The following PPP1R8 variants were observed in gnomAD, a reference collection of about 807,000 sequenced individuals.
The protein encoded by PPP1R8 is protein phosphatase 1 regulatory subunit 8.
PPP1R8 carries 4 observed loss-of-function variants against 31.3 expected under a neutral mutation model. The ratio of observed to expected loss-of-function variants is 0.13; its 90% CI spans 0.06 to 0.29. The LOEUF (loss-of-function observed/expected upper bound fraction) is 0.29, where lower values mean the gene tolerates loss of function less well. PPP1R8 is among the 10% of genes least tolerant of loss of function. PPP1R8 has a pLI of 1.00. For missense variants in PPP1R8, 254 were observed against 440.1 expected, an observed-to-expected ratio of 0.58 and a Z score of 3.78; for synonymous variants, 170 against 169.7, an observed-to-expected ratio of 1.00 and a Z score of -0.01.
At chr1:27,846,041 C>T (rs1336895388) in intron 5 of PPP1R8, among the ~76,000 whole-genome samples, 11 of 152,058 alleles carry the variant, frequency 7.2e-5, no homozygotes, top group Non-Finnish European at 1.6e-4. Flanking sequence ...CTGCCCACCT[C>T]GGCCTCCCAA....
rs150866530 is a variant in PPP1R8, at chr1:27,844,494, A to AT, written c.637+1171dup. 9.8e-3 allele frequency among the ~76,000 whole-genome samples: 1,467 copies of AT among 150,142 alleles called. 21 individuals carry two copies. The highest frequency in any genetic ancestry group is 0.027 in the African/African-American group (1,110 of 40,860). On this transcript the variant is annotated intron_variant, in intron 5 of 6. Coordinates refer to ENST00000311772, the MANE Select transcript of PPP1R8 (RefSeq NM_014110.5). ...AGGCTTCTGCCACCACACCTGGCTAATTTTTTTGTATTTTTAGTAGAGACG... is the reference window on the plus strand; with the variant it reads ...AGGCTTCTGCCACCACACCTGGCTAATTTTTTTTGTATTTTTAGTAGAGACG...
chr1:27,851,439 T>C lies in PPP1R8; in HGVS notation c.*993T>C, dbSNP rs779462139. ...GATACAAGCTTTGTACAGAGATTTG[T>C]ACATTTGTGTAATAGGCCTTTTCAT... On this transcript the variant is annotated 3_prime_UTR_variant, in exon 7 of 7. Coordinates refer to ENST00000311772, the MANE Select transcript of PPP1R8 (RefSeq NM_014110.5). 17 of 423,140 alleles carry C rather than the reference T, an allele frequency of 4.0e-5. No homozygotes were observed. The highest frequency in any genetic ancestry group is 6.7e-5 in the Non-Finnish European group (14 of 208,070). The allele number at this position is 423,140 out of a possible 1,614,324, so 26.2% of individuals were successfully genotyped here.
chr1:27,844,328 TTTTA>T (rs2089251593), intron 5 of PPP1R8, among the ~76,000 whole-genome samples: 1 of 151,826 alleles, frequency 6.6e-6, no homozygotes, highest in Non-Finnish European at 1.5e-5. Context: ...TATTTTTTAT[TTTTA>T]TTTATTTATT....
At chr1:27,848,696 T>C (rs1335021731) in intron 6 of PPP1R8, among the ~76,000 whole-genome samples, 1 of 152,210 alleles carries the variant, frequency 6.6e-6, no homozygotes, top group Non-Finnish European at 1.5e-5. Context: ...GAGTATAGGA[T>C]TGAGCAGGAT....
intron 4 of PPP1R8, 79 bp downstream of exon 4, chr1:27,841,313 A>C (rs1161345954): frequency 1.4e-6 from 2 of 1,461,720 alleles, no homozygotes; most frequent in Non-Finnish European, 1.9e-6. Flanking sequence ...TGTAGCTGGA[A>C]ATGCCAGTGA....
intron 5 of PPP1R8, among the ~76,000 whole-genome samples, chr1:27,844,002 T>G (rs2089248102): frequency 6.6e-6 from 1 of 152,188 alleles, no homozygotes; most frequent in African/African-American, 2.4e-5. Context: ...TTTTTAATTT[T>G]TCTTTTTTGT....
At position 27,830,813 on chromosome 1, in the gene PPP1R8, C is replaced by T. The variant is rs1480742931; in HGVS notation, c.-23C>T. On this transcript the variant is annotated 5_prime_UTR_variant, in exon 1 of 7. Coordinates refer to ENST00000311772, the MANE Select transcript of PPP1R8 (RefSeq NM_014110.5). The stretch of plus-strand genomic sequence containing the variant: ...GTTTCCCGGCGTGCTTAGGGCGCGC[C>T]AAATGGGAGGGGGAGACGCAAGATG... 4 of 1,568,756 alleles carry T rather than the reference C, an allele frequency of 2.5e-6. No individual in the cohort carries two copies. The highest frequency in any genetic ancestry group is 3.5e-6 in the Non-Finnish European group (4 of 1,157,870).
intron 4 of PPP1R8, 136 bp downstream of exon 4, chr1:27,841,370 A>C: frequency 1.1e-6 from 1 of 873,028 alleles, no homozygotes. Flanking sequence ...GCCTTTGGCA[A>C]TCTGGTGTGG....
intron 5 of PPP1R8, among the ~76,000 whole-genome samples, chr1:27,844,784 C>A (rs1253754877): frequency 7.7e-6 from 1 of 130,646 alleles, no homozygotes; most frequent in Admixed American, 8.4e-5. Flanking sequence ...GTGGCACGAT[C>A]TCAGTTCACT....
rs1380105167 is a variant in PPP1R8 at position 27,838,941 on chromosome 1, GA to G, written c.271+94del. ...TTTAGTTTGGAAATTACGTTTTATG[GA>G]AAAAGTTAATGTTTGGTTTTTAAAT... On this transcript the variant is annotated intron_variant, in intron 3 of 6. Transcript: ENST00000311772. The G allele has an allele frequency of 4.7e-6, 6 of 1,280,772 alleles. No individual in the cohort carries two copies. The East Asian group carries it at 1.5e-4, about 33-fold the overall frequency. The allele number at this position is 1,280,772 out of a possible 1,614,324, so 79.3% of individuals were successfully genotyped here. A position where few individuals can be genotyped will look rare whatever the true frequency, so the allele number is the denominator to read the frequency against.
In PPP1R8 at chr1:27,830,788, G is replaced by C; in HGVS notation, c.-48G>C. 1 of 1,555,724 alleles carries C rather than the reference G, an allele frequency of 6.4e-7. No individual in the cohort carries two copies. Among genetic ancestry groups the C allele is most frequent in the Non-Finnish European group, 8.7e-7 (1 of 1,150,466 alleles). ...CCGCTTTTCCCTTCTCGGTCTTCCA[G>C]TTTCCCGGCGTGCTTAGGGCGCGCC... On this transcript the variant is annotated 5_prime_UTR_variant, in exon 1 of 7. Coordinates refer to ENST00000311772, the MANE Select transcript of PPP1R8 (RefSeq NM_014110.5).
At chr1:27,831,854 TC>T (rs2089112282) in intron 1 of PPP1R8, among the ~76,000 whole-genome samples, 2 of 152,222 alleles carry the variant, frequency 1.3e-5, no homozygotes, top group Non-Finnish European at 2.9e-5. Context: ...ATACGTTTTT[TC>T]ATGTGCAAAT....
intron 5 of PPP1R8, 25 bp from the exon 6 acceptor site, chr1:27,847,003 A>G: frequency 1.2e-6 from 2 of 1,609,780 alleles, no homozygotes; most frequent in East Asian, 2.2e-5. Flanking sequence ...TACCAACCCA[A>G]CCCTGCCCTC....
intron 1 of PPP1R8, among the ~76,000 whole-genome samples, chr1:27,832,382 G>T (rs768195316): frequency 2.6e-5 from 4 of 152,092 alleles, no homozygotes; most frequent in Non-Finnish European, 5.9e-5. Flanking sequence ...TAATTTATTC[G>T]GTCTTTATAT....
At position 27,850,306 on chromosome 1, in the gene PPP1R8, G is replaced by T; in HGVS notation, c.916G>T (p.Val306Phe). The part of the protein sequence containing the change: ...NLAPDVDLTP[V>F]VPSAVNMNPA... ...TGCCCCTGATGTGGACTTGACTCCT[G>T]TTGTGCCGTCAGCAGTGAACATGAA... is the stretch of plus-strand genomic sequence containing the variant. Residue 306 changes from valine (V) to phenylalanine (F), a missense_variant, in exon 7 of 7, where the codon GTT (valine) becomes TTT (phenylalanine). Val to Phe is a conservative substitution (Grantham distance 50). Transcript: ENST00000311772. The T allele has an allele frequency of 1.2e-6, 2 of 1,614,240 alleles. No individual in the cohort carries two copies. Among genetic ancestry groups the T allele is most frequent in the Non-Finnish European group, 1.7e-6 (2 of 1,180,054 alleles).
chr1:27,838,915 C>G, intron 3 of PPP1R8, 63 bp downstream of exon 3: 1 of 1,381,886 alleles, frequency 7.2e-7, no homozygotes, highest in Non-Finnish European at 9.7e-7. Context: ...TCTTTGGGTT[C>G]TTTAGTTTGG....
Position 27,850,472 on chromosome 1 carries a change from GA to G in PPP1R8, c.*27del. On this transcript the variant is annotated 3_prime_UTR_variant, in exon 7 of 7. Transcript: ENST00000311772. ...TATTTTTGGTCATGGAGAAGGGTGG[GA>G]TTGGGTGGGAATGGGGTGGAAGGGT... The G allele has an allele frequency of 4.2e-6, 2 of 477,666 alleles. No homozygotes were observed. The highest frequency in any genetic ancestry group is 8.7e-6 in the Non-Finnish European group (2 of 231,084). The allele number at this position is 477,666 out of a possible 1,614,324, so 29.6% of individuals were successfully genotyped here.
intron 2 of PPP1R8, among the ~76,000 whole-genome samples, chr1:27,835,668 C>T (rs1362816569): frequency 1.3e-5 from 2 of 152,204 alleles, no homozygotes; most frequent in Non-Finnish European, 2.9e-5. Flanking sequence ...TTATTCTCTC[C>T]TTAAAATATT....
intron 4 of PPP1R8, 58 bp from the exon 5 acceptor site, chr1:27,843,128 T>C: frequency 6.3e-7 from 1 of 1,598,818 alleles, no homozygotes; most frequent in Non-Finnish European, 8.5e-7. Context: ...AGTATGATTT[T>C]CTCCATCAGA....
Sources: gnomAD v4.1 joint callset for allele counts (sites outside exome capture counted in the v4.1 genomes callset) on GRCh38, gnomAD v4.1.1 for gene constraint, MANE v1.5 for transcripts, NCBI Gene and HGNC (gene_info 2026-07-23, HGNC 2026-07-21) for gene names.